DMD: variants seen among roughly 807,000 people sequenced by gnomAD.
DMD encodes dystrophin.
Under a neutral mutation model 330.1 loss-of-function variants are expected in DMD, and 63 were observed. That is an observed-to-expected ratio of 0.19 (90% CI 0.16 to 0.24). DMD has a LOEUF of 0.24. Ranked by LOEUF, DMD falls within the 10% of genes least tolerant of loss-of-function variation. The pLI is 1.00. For missense variants in DMD, 3,344 were observed against 2,684.1 expected (o/e 1.25, Z -5.43); for synonymous variants, 1,223 against 959.8 (o/e 1.27, Z -5.07).
chrX:32,501,356 T>C (rs1569564912), intron 19 of DMD, among the ~76,000 whole-genome samples: 1 of 111,969 alleles, frequency 8.9e-6, no homozygotes, highest in Admixed American at 9.5e-5. Flanking sequence ...TTCCATATAA[T>C]TTTAGTGTTT....
intron 29 of DMD, among the ~76,000 whole-genome samples, chrX:32,425,356 A>G (rs1016744486): frequency 1.5e-4 from 17 of 110,044 alleles, no homozygotes; most frequent in African/African-American, 5.6e-4. Flanking sequence ...TATTATCTCA[A>G]TTTTCTCTTT....
intron 56 of DMD, among the ~76,000 whole-genome samples, chrX:31,502,380 A>T (rs2147124280): frequency 9.0e-6 from 1 of 110,961 alleles, no homozygotes; most frequent in East Asian, 2.8e-4. Flanking sequence ...TAAAAGAGAG[A>T]GAAAGAAGGT....
At chrX:31,923,113 A>G (rs1029924369) in intron 47 of DMD, among the ~76,000 whole-genome samples, 21 of 112,004 alleles carry the variant, frequency 1.9e-4, no homozygotes, top group Non-Finnish European at 3.9e-4. Context: ...ATTAAAAATT[A>G]TGATAGGATA....
At chrX:32,605,479 C>A (rs565724712) in intron 12 of DMD, among the ~76,000 whole-genome samples, 8 of 109,530 alleles carry the variant, frequency 7.3e-5, no homozygotes, top group African/African-American at 2.3e-4. Flanking sequence ...AAACTCTTCT[C>A]GACACTGGCT....
rs1483537799 is a variant in DMD, at chrX:31,679,603, A to G, written c.7661-17T>C. ...TTCTTTCAACTAGAATAAAAGGAAA[A>G]ATAAATATATAGTAGTAAATGCTAG... On this transcript the variant is annotated splice_polypyrimidine_tract_variant and intron_variant, in intron 52 of 78. Transcript: ENST00000357033. 3.4e-6 allele frequency: 4 copies of G among 1,163,556 alleles called. No homozygotes were observed. The East Asian group carries it at 1.2e-4, about 35-fold the overall frequency.
At chrX:32,313,332 G>T (rs1321978038) in intron 41 of DMD, among the ~76,000 whole-genome samples, 2 of 111,184 alleles carry the variant, frequency 1.8e-5, no homozygotes, top group South Asian at 3.8e-4. Context: ...TGCAGAAAAG[G>T]TCTTGGATAA....
chrX:31,386,363 C>T (rs1355714096), intron 60 of DMD, among the ~76,000 whole-genome samples: 2 of 111,248 alleles, frequency 1.8e-5, no homozygotes, highest in Admixed American at 1.9e-4. Flanking sequence ...TACCCTAGAA[C>T]TTAAACTATA....
intron 37 of DMD, among the ~76,000 whole-genome samples, chrX:32,361,403 A>G (rs1056108721): frequency 2.7e-5 from 3 of 111,722 alleles, no homozygotes; most frequent in Non-Finnish European, 5.6e-5. Context: ...GTCTCTCTCC[A>G]TATGTAGAGA....
chrX:33,214,797 G>T (rs1165297258), upstream of DMD, among the ~76,000 whole-genome samples: 1 of 111,306 alleles, frequency 9.0e-6, no homozygotes, highest in Non-Finnish European at 1.9e-5. Context: ...GGGTCTACAG[G>T]TGAATGCCAC....
chrX:33,254,388 A>T (rs1329204112), intron 1 of DMD, among the ~76,000 whole-genome samples: 3 of 110,924 alleles, frequency 2.7e-5, no homozygotes, highest in Non-Finnish European at 3.8e-5. Context: ...AAATTCTAAA[A>T]GTTTATCATT....
At chrX:33,152,336 A>AT (rs995721643) in intron 1 of DMD, among the ~76,000 whole-genome samples, 18 of 107,126 alleles carry the variant, frequency 1.7e-4, no homozygotes, top group Non-Finnish European at 2.7e-4. Flanking sequence ...AGACTGGCTA[A>AT]TTTTTTTTTG....
intron 60 of DMD, among the ~76,000 whole-genome samples, chrX:31,388,001 C>T (rs1354941889): frequency 3.8e-5 from 4 of 106,473 alleles, no homozygotes; most frequent in East Asian, 2.9e-4. Context: ...CTTTGTTTTT[C>T]GGTTTTTTTT....
intron 63 of DMD, among the ~76,000 whole-genome samples, chrX:31,233,325 T>C (rs2047398120): frequency 8.9e-6 from 1 of 111,818 alleles, no homozygotes; most frequent in South Asian, 3.8e-4. Flanking sequence ...ACCTCATTAA[T>C]TAACGAATCT....
chrX:31,292,568 C>T (rs891501046), intron 62 of DMD, among the ~76,000 whole-genome samples: 7 of 111,489 alleles, frequency 6.3e-5, no homozygotes, highest in Non-Finnish European at 5.6e-5. Flanking sequence ...TAAAGCTCAG[C>T]ATATGCCTAC....
intron 26 of DMD, among the ~76,000 whole-genome samples, chrX:32,454,005 T>C (rs1375391533): frequency 1.8e-5 from 2 of 111,046 alleles, no homozygotes; most frequent in African/African-American, 6.5e-5. Flanking sequence ...AGTATGATGA[T>C]ATAAACATGA....
chrX:32,470,474 A>G (rs1277585390), intron 22 of DMD, among the ~76,000 whole-genome samples: 2 of 111,377 alleles, frequency 1.8e-5, no homozygotes, highest in South Asian at 3.7e-4. Context: ...TAGTTAGTTA[A>G]TACATTTCCC....
intron 20 of DMD, 29 bp downstream of exon 20, chrX:32,491,248 C>T: frequency 1.7e-6 from 2 of 1,208,853 alleles, no homozygotes; most frequent in Non-Finnish European, 2.2e-6. Context: ...ATTGATTATG[C>T]TCCAAATGGA....
chrX:32,439,381 T>C (rs1209941507), intron 28 of DMD, among the ~76,000 whole-genome samples: 1 of 111,447 alleles, frequency 9.0e-6, no homozygotes, highest in Non-Finnish European at 1.9e-5. Flanking sequence ...TGTAAAATAC[T>C]TTAAAAGCCA....
intron 7 of DMD, among the ~76,000 whole-genome samples, chrX:32,786,432 G>T (rs1030985688): frequency 9.0e-6 from 1 of 110,610 alleles, no homozygotes; most frequent in African/African-American, 3.3e-5. Context: ...TTCATAACTG[G>T]TGAGTGTCTC....
Sources: gnomAD v4.1 joint callset for allele counts (sites outside exome capture counted in the v4.1 genomes callset) on GRCh38, gnomAD v4.1.1 for gene constraint, MANE v1.5 for transcripts, NCBI Gene and HGNC (gene_info 2026-07-23, HGNC 2026-07-21) for gene names.